The following CKM variants were observed in gnomAD, a reference collection of about 807,000 sequenced individuals.
CKM encodes the protein creatine kinase M-type.
CKM carries 28 observed loss-of-function variants against 35.4 expected under a neutral mutation model. The ratio of observed to expected loss-of-function variants is 0.79; its 90% confidence interval spans 0.59 to 1.08. CKM has a LOEUF of 1.08. Ranked by LOEUF, CKM falls within the 50% of genes least tolerant of loss-of-function variation. CKM has a pLI of 0.00. For missense variants in CKM, 484 were observed against 509.8 expected (o/e 0.95, Z 0.49); for synonymous variants, 215 against 204.4 (o/e 1.05, Z -0.44).
chr19:45,321,320 T>C (rs1971212038), intron 1 of CKM, among the ~76,000 whole-genome samples: 1 of 147,358 alleles, frequency 6.8e-6, no homozygotes, highest in East Asian at 2.0e-4. Context: ...AAGGGCTGGG[T>C]CGGGGGAGGG....
intron 7 of CKM, 38 bp downstream of exon 7, chr19:45,307,423 C>G: frequency 6.2e-7 from 1 of 1,602,096 alleles, no homozygotes; most frequent in South Asian, 1.1e-5. Flanking sequence ...GGCCCTCGCT[C>G]CCCCTCCGTC....
intron 1 of CKM, among the ~76,000 whole-genome samples, chr19:45,320,446 G>A (rs1971203107): frequency 6.6e-6 from 1 of 152,224 alleles, no homozygotes; most frequent in African/African-American, 2.4e-5. Flanking sequence ...AGGCGTTGGG[G>A]TCAGGCAGGC....
At position 45,307,659 on chromosome 19, in the gene CKM, CAGAG is replaced by C; in HGVS notation, c.778-13_778-10del. ...TTAAAGATCTCCTCAATCTGAGGTT[CAGAG>C]AGAGGACCAGGGGTCAGCGCCGGCA... On this transcript the variant is annotated splice_polypyrimidine_tract_variant and intron_variant, in intron 6 of 7. Transcript: ENST00000221476. 4 of 1,613,132 alleles carry C rather than the reference CAGAG, an allele frequency of 2.5e-6. No homozygotes were observed. Among genetic ancestry groups the C allele is most frequent in the South Asian group, 1.1e-5 (1 of 91,000 alleles).
intron 1 of CKM, among the ~76,000 whole-genome samples, chr19:45,320,288 C>T (rs990326272): frequency 2.6e-5 from 4 of 151,112 alleles, no homozygotes; most frequent in African/African-American, 9.7e-5. Context: ...GGGGTTTCAC[C>T]ATCTCTACTG....
chr19:45,316,315 G>A (rs1415648321), intron 3 of CKM, among the ~76,000 whole-genome samples: 1 of 140,086 alleles, frequency 7.1e-6, no homozygotes, highest in Non-Finnish European at 1.6e-5. Flanking sequence ...GGGTGACAGA[G>A]TGAGATTCTG....
chr19:45,311,135 C>G (rs1971105767), intron 5 of CKM, among the ~76,000 whole-genome samples: 1 of 149,428 alleles, frequency 6.7e-6, no homozygotes. Flanking sequence ...CCAGGCTGGT[C>G]TAGAACTCCT....
chr19:45,309,507 G>A (rs1324113666), intron 5 of CKM, among the ~76,000 whole-genome samples: 1 of 143,718 alleles, frequency 7.0e-6, no homozygotes, highest in Non-Finnish European at 1.5e-5. Flanking sequence ...AGCGAGCTAT[G>A]ATCCCACCAC....
chr19:45,317,975 G>T lies in CKM; in HGVS notation c.198C>A (p.His66Gln), dbSNP rs1482934350. 2.5e-5 allele frequency: 41 copies of T among 1,613,856 alleles called. No individual in the cohort carries two copies. Among genetic ancestry groups the T allele is most frequent in the Non-Finnish European group, 3.1e-5 (36 of 1,179,958 alleles). Residue 66 changes from histidine to glutamine, a missense_variant, in exon 3 of 8, where the codon CAC becomes CAA. Coordinates refer to ENST00000221476, the MANE Select transcript of CKM (RefSeq NM_001824.5). ...VIQTGVDNPG[H>Q]PFIMTVGCVA... The stretch of plus-strand genomic sequence containing the variant: ...CGCAGCCCACGGTCATGATGAAGGG[G>T]TGACCTGGAGGGGTGGGGGTGAGGT...
intron 3 of CKM, among the ~76,000 whole-genome samples, chr19:45,316,202 C>T (rs908269495): frequency 6.6e-6 from 1 of 151,672 alleles, no homozygotes; most frequent in African/African-American, 2.4e-5. Flanking sequence ...TGGTGGTGCG[C>T]GCCTGTAATC....
At chr19:45,311,678 G>T in intron 5 of CKM, 71 bp downstream of exon 5, 1 of 1,336,776 alleles carries the variant, frequency 7.5e-7, no homozygotes, top group Non-Finnish European at 1.0e-6. Flanking sequence ...TGGTGGAGGA[G>T]TGAGGAGGGC....
intron 3 of CKM, among the ~76,000 whole-genome samples, 193 bp from the exon 4 acceptor site, chr19:45,315,790 C>A (rs529370958): frequency 5.9e-4 from 90 of 151,920 alleles, no homozygotes; most frequent in Non-Finnish European, 1.0e-3. Flanking sequence ...TCTCTCTCCC[C>A]TCTCCTATCT....
At chr19:45,317,228 C>T (rs1169571440) in intron 3 of CKM, among the ~76,000 whole-genome samples, 1 of 152,180 alleles carries the variant, frequency 6.6e-6, no homozygotes, top group East Asian at 1.9e-4. Flanking sequence ...CTGCCTCCAC[C>T]TCCTGAGTAG....
rs1273116547 is a variant in CKM at position 45,311,879 on chromosome 19, G to T, written c.523C>A (p.Pro175Thr). 5 of 1,614,026 alleles carry T rather than the reference G, an allele frequency of 3.1e-6. No individual in the cohort carries two copies. The East Asian group carries it at 8.9e-5, about 29-fold the overall frequency. ...LTGEFKGKYYPLKSMTEKEQQ... is the reference protein window; with the variant it reads ...LTGEFKGKYYTLKSMTEKEQQ... ...TCCTTCTCCGTCATGCTCTTCAGAG[G>T]GTAGTACTTCCCTTTGAACTCGCCC... The change falls in exon 5 of 8, where the codon CCT becomes ACT. Residue 175 changes from proline to threonine, a missense_variant. Coordinates refer to ENST00000221476, the MANE Select transcript of CKM (RefSeq NM_001824.5).
intron 6 of CKM, among the ~76,000 whole-genome samples, chr19:45,307,861 G>A (rs1220784612): frequency 1.4e-5 from 2 of 144,228 alleles, no homozygotes; most frequent in Non-Finnish European, 3.0e-5. Flanking sequence ...ACGCTTTGAA[G>A]GCGGGTTTTT....
intron 4 of CKM, among the ~76,000 whole-genome samples, chr19:45,314,900 C>T (rs1396875432): frequency 6.6e-5 from 10 of 151,944 alleles, no homozygotes; most frequent in Non-Finnish European, 1.5e-5. Flanking sequence ...TTTGTAGAGA[C>T]AGGGTCTTGC....
rs372379123 is a variant in CKM at position 45,308,423 on chromosome 19, C to A, written c.763G>T (p.Val255Leu). Reference sequence around the variant, plus strand: ...CAGACACCCACCTTCTGCAGCCCTACGCAGAAGCGGCGGAAAACCTCCTTC... The same window carrying A: ...CAGACACCCACCTTCTGCAGCCCTAAGCAGAAGCGGCGGAAAACCTCCTTC... Reference protein sequence around the residue: ...NMKEVFRRFCVGLQKIEEIFK... With the variant: ...NMKEVFRRFCLGLQKIEEIFK... Residue 255 changes from valine to leucine, a missense_variant, in exon 6 of 8, where the codon GTA becomes TTA. Coordinates refer to ENST00000221476, the MANE Select transcript of CKM (RefSeq NM_001824.5). The A allele has an allele frequency of 1.2e-6, 2 of 1,614,030 alleles. No homozygotes were observed. The highest frequency in any genetic ancestry group is 4.5e-5 in the East Asian group (2 of 44,890).
intron 4 of CKM, among the ~76,000 whole-genome samples, chr19:45,314,203 G>T (rs1434014132): frequency 1.3e-5 from 2 of 151,336 alleles, no homozygotes; most frequent in Admixed American, 6.6e-5. Context: ...GGAAGGAATT[G>T]CCGCAGCCAT....
chr19:45,308,478 C>A lies in CKM; in HGVS notation c.708G>T (p.Arg236=). ...TGCCCCCCTTCTCCATGGAGATGACCCGGAGGTGATCCTCCTCGTTCACCC... is the reference window on the plus strand; with the variant it reads ...TGCCCCCCTTCTCCATGGAGATGACACGGAGGTGATCCTCCTCGTTCACCC... The part of the protein sequence containing the change: ...LVWVNEEDHL[R]VISMEKGGNM... The change falls in exon 6 of 8, where the codon CGG becomes CGT. Residue 236 remains arginine (R), a synonymous_variant. Transcript: ENST00000221476. 2 of 1,614,064 alleles carry A rather than the reference C, an allele frequency of 1.2e-6. No individual in the cohort carries two copies. Among genetic ancestry groups the A allele is most frequent in the Non-Finnish European group, 1.7e-6 (2 of 1,179,960 alleles).
chr19:45,307,295 C>T (rs1971062116), intron 7 of CKM, among the ~76,000 whole-genome samples, 166 bp downstream of exon 7: 1 of 152,240 alleles, frequency 6.6e-6, no homozygotes, highest in Non-Finnish European at 1.5e-5. Context: ...ACTCCTATCA[C>T]ATAGGCATAT....
Sources: gnomAD v4.1 joint callset for allele counts (sites outside exome capture counted in the v4.1 genomes callset) on GRCh38, gnomAD v4.1.1 for gene constraint, MANE v1.5 for transcripts, NCBI Gene and HGNC (gene_info 2026-07-23, HGNC 2026-07-21) for gene names.